The following MMUT variants were observed in gnomAD, a reference collection of about 807,000 sequenced individuals.
MMUT encodes methylmalonyl-CoA mutase.
A neutral mutation model predicts 79.9 loss-of-function variants in MMUT; 79 were observed. The ratio of observed to expected loss-of-function variants is 0.99; its 90% CI spans 0.82 to 1.19. The LOEUF (loss-of-function observed/expected upper bound fraction) is 1.19. MMUT is among the 50% of genes most tolerant of loss of function. The pLI is 0.00. For missense variants in MMUT, 860 were observed against 917.2 expected, an observed-to-expected ratio of 0.94 and a Z score of 0.81; for synonymous variants, 273 against 295.7, an observed-to-expected ratio of 0.92 and a Z score of 0.79.
rs1393361231 is a variant in MMUT, at chr6:49,456,087, C to G, written c.904G>C (p.Ala302Pro). 1.2e-6 allele frequency: 2 copies of G among 1,612,870 alleles called. No homozygotes were observed. The highest frequency in any genetic ancestry group is 2.2e-5 in the East Asian group (1 of 44,832). The change falls in exon 4 of 13, where the codon GCA becomes CCA. Residue 302 changes from alanine to proline, a missense_variant. Transcript: ENST00000274813. Reference protein sequence around the residue: ...LQAGLTIDEFAPRLSFFWGIG... With the variant: ...LQAGLTIDEFPPRLSFFWGIG... ...TAGGTTTAATTTACTCACCTTGGTG[C>G]AAATTCATCAATTGTCAGGCCAGCC...
intron 12 of MMUT, among the ~76,000 whole-genome samples, chr6:49,432,338 T>C (rs1187747336): frequency 2.6e-5 from 4 of 152,212 alleles, no homozygotes; most frequent in African/African-American, 9.7e-5. Context: ...GCCCATTTTT[T>C]TTTTCATTCT....
intron 8 of MMUT, among the ~76,000 whole-genome samples, chr6:49,446,599 A>G (rs1303738608): frequency 6.6e-6 from 1 of 151,916 alleles, no homozygotes; most frequent in Non-Finnish European, 1.5e-5. Flanking sequence ...TAAAAATAGT[A>G]ACTACCTGTT....
At chr6:49,434,542 T>C (rs1767074490) in intron 12 of MMUT, among the ~76,000 whole-genome samples, 1 of 152,200 alleles carries the variant, frequency 6.6e-6, no homozygotes, top group Non-Finnish European at 1.5e-5. Flanking sequence ...GTCATTTACT[T>C]ACGACAGCTT....
chr6:49,444,760 GAAA>G lies in MMUT; in HGVS notation c.1561-9_1561-7del. 1 of 1,605,610 alleles carries G rather than the reference GAAA, an allele frequency of 6.2e-7. No homozygotes were observed. Among genetic ancestry groups the G allele is most frequent in the Non-Finnish European group, 8.5e-7 (1 of 1,172,768 alleles). The stretch of plus-strand genomic sequence containing the variant: ...TGATCCCTGCTGGATTTGATCTATG[GAAA>G]AAGTCAAGGAAAGGGACAATTTACA... On this transcript the variant is annotated splice_polypyrimidine_tract_variant and splice_region_variant and intron_variant, in intron 8 of 12. Transcript: ENST00000274813.
intron 9 of MMUT, 148 bp from the exon 10 acceptor site, chr6:49,442,119 A>C: frequency 1.1e-6 from 1 of 925,386 alleles, no homozygotes; most frequent in South Asian, 1.7e-5. Flanking sequence ...GCATTATGAA[A>C]GCATCTCTTC....
chr6:49,453,879 T>C, intron 4 of MMUT, 123 bp from the exon 5 acceptor site: 1 of 840,380 alleles, frequency 1.2e-6, no homozygotes, highest in Non-Finnish European at 1.9e-6. Context: ...GAACTTAATT[T>C]GAATTAAGAT....
intron 6 of MMUT, among the ~76,000 whole-genome samples, chr6:49,450,836 A>C (rs1767534069): frequency 1.3e-5 from 2 of 152,210 alleles, no homozygotes; most frequent in South Asian, 4.1e-4. Context: ...ATATATTCCT[A>C]CTATAATGGC....
intron 6 of MMUT, 147 bp from the exon 7 acceptor site, chr6:49,449,074 A>C (rs917621425): frequency 2.0e-6 from 1 of 491,960 alleles, no homozygotes. Flanking sequence ...AATTAAATAA[A>C]CATCAAAGTC....
chr6:49,443,796 C>G (rs563926950), intron 9 of MMUT: 1 of 438,456 alleles, frequency 2.3e-6, no homozygotes, highest in Non-Finnish European at 4.6e-6. Flanking sequence ...TGCCAAATAT[C>G]GTGTCTATGG....
chr6:49,437,934 G>A (rs945808513), intron 11 of MMUT, among the ~76,000 whole-genome samples: 2 of 151,804 alleles, frequency 1.3e-5, no homozygotes, highest in Non-Finnish European at 2.9e-5. Flanking sequence ...TGCCCTCTTT[G>A]TCCATATTTT....
At chr6:49,457,129 G>C (rs554379966) in intron 3 of MMUT, among the ~76,000 whole-genome samples, 1 of 152,200 alleles carries the variant, frequency 6.6e-6, no homozygotes, top group Non-Finnish European at 1.5e-5. Context: ...GAAGGAGTAC[G>C]TTGCTGGTAA....
chr6:49,442,006 TA>T, intron 9 of MMUT, 35 bp from the exon 10 acceptor site: 1 of 1,578,720 alleles, frequency 6.3e-7, no homozygotes, highest in South Asian at 1.1e-5. Flanking sequence ...TTAACTTCAT[TA>T]TTTTGTGATA....
chr6:49,449,002 T>C lies in MMUT; in HGVS notation c.1333-75A>G, dbSNP rs1185175527. On this transcript the variant is annotated intron_variant, in intron 6 of 12. Transcript: ENST00000274813. ...GTAAACTATATAAATTTGTTATGAG[T>C]GTTATATAATTACTAATATTAATAA... The C allele has an allele frequency of 3.7e-6, 3 of 816,064 alleles. No homozygotes were observed. The Admixed American group carries it at 6.4e-5, about 18-fold the overall frequency. The allele number at this position is 816,064 out of a possible 1,614,324, so 50.6% of individuals were successfully genotyped here.
chr6:49,454,897 T>C (rs1052176015), intron 4 of MMUT, among the ~76,000 whole-genome samples: 1 of 151,962 alleles, frequency 6.6e-6, no homozygotes, highest in Non-Finnish European at 1.5e-5. Context: ...AACTTAAAAC[T>C]TAGCCAGGTA....
intron 9 of MMUT, 29 bp downstream of exon 9, chr6:49,444,610 T>C (rs1424052608): frequency 1.9e-6 from 3 of 1,587,486 alleles, no homozygotes; most frequent in African/African-American, 1.3e-5. Context: ...TTTTAGTCTT[T>C]GGAAACCTCC....
chr6:49,455,346 G>C (rs1180226141), intron 4 of MMUT, among the ~76,000 whole-genome samples: 1 of 152,116 alleles, frequency 6.6e-6, no homozygotes, highest in South Asian at 2.1e-4. Flanking sequence ...CATAAAAACA[G>C]TTTTGATCTC....
chr6:49,443,692 T>G (rs1767336936), intron 9 of MMUT: 2 of 287,352 alleles, frequency 7.0e-6, no homozygotes, highest in East Asian at 1.1e-4. Context: ...AATTAACACA[T>G]TAAGTGCCAT....
rs188796821 is a variant in MMUT at position 49,431,844 on chromosome 6, G to T, written c.2137C>A (p.Leu713Met). The T allele has an allele frequency of 6.2e-7, 1 of 1,613,568 alleles. No individual in the cohort carries two copies. The highest frequency in any genetic ancestry group is 2.2e-5 in the East Asian group (1 of 44,852). ...ACATTGGAAACACCAACTTCAAACA[G>T]AAATTCATAATCCTGTTGAAAGAAT... ...GVIPPQDYEF[L>M]FEVGVSNVFG... Residue 713 changes from leucine to methionine, a missense_variant, in exon 13 of 13, where the codon CTG becomes ATG. Physicochemically the swap from Leu to Met is conservative, Grantham distance 15. Coordinates refer to ENST00000274813, the MANE Select transcript of MMUT (RefSeq NM_000255.4).
chr6:49,457,043 TGATAAA>T (rs1767706762), intron 3 of MMUT, among the ~76,000 whole-genome samples: 1 of 152,200 alleles, frequency 6.6e-6, no homozygotes, highest in Admixed American at 6.5e-5. Context: ...TTACAAGGGT[TGATAAA>T]GATAAAAAGG....
Sources: gnomAD v4.1 joint callset for allele counts (sites outside exome capture counted in the v4.1 genomes callset) on GRCh38, gnomAD v4.1.1 for gene constraint, MANE v1.5 for transcripts, NCBI Gene and HGNC (gene_info 2026-07-23, HGNC 2026-07-21) for gene names.